The following CCDC141 variants were observed in gnomAD, a reference collection of about 807,000 sequenced individuals.
CCDC141 encodes coiled-coil domain-containing protein 141.
In CCDC141, 168 loss-of-function variants were observed where a neutral mutation model predicts 181.0. That is an observed-to-expected ratio of 0.93 (90% CI 0.82 to 1.05). The LOEUF (loss-of-function observed/expected upper bound fraction) is 1.05, where lower values mean the gene tolerates loss of function less well. CCDC141 is among the 50% of genes least tolerant of loss of function. CCDC141 has a pLI of 0.00. For synonymous variants in CCDC141, 666 were observed against 642.3 expected, an observed-to-expected ratio of 1.04 and a Z score of -0.56; for missense variants, 1,902 against 1,788.5, an observed-to-expected ratio of 1.06 and a Z score of -1.14.
chr2:179,049,098 T>A (rs1430365041), intron 1 of CCDC141, among the ~76,000 whole-genome samples: 4 of 152,148 alleles, frequency 2.6e-5, no homozygotes, highest in Admixed American at 6.5e-5. Context: ...TTACAGGGCA[T>A]TTCCATGGAG....
At chr2:178,847,607 G>A (rs568145069) in intron 21 of CCDC141, among the ~76,000 whole-genome samples, 5 of 152,246 alleles carry the variant, frequency 3.3e-5, no homozygotes, top group South Asian at 4.2e-4. Flanking sequence ...ATTTAGCAGC[G>A]CCAGAGGGTT....
intron 4 of CCDC141, 50 bp downstream of exon 4, chr2:178,975,007 A>G (rs1180635662): frequency 3.4e-6 from 3 of 892,022 alleles, no homozygotes; most frequent in Admixed American, 2.6e-5. Context: ...TCACATTAAC[A>G]TCTTTTAAAA....
rs1451594851 is a variant in CCDC141, at chr2:178,975,120, G to A, written c.463C>T (p.His155Tyr). 6.6e-7 allele frequency: 1 copy of A among 1,521,162 alleles called. No individual in the cohort carries two copies. The highest frequency in any genetic ancestry group is 1.2e-5 in the South Asian group (1 of 80,900). 94.2% of individuals were successfully genotyped at this position (1,521,162 alleles called of 1,614,324 possible). ...AAGGACTCAGCACTCTCAAACTCAT[G>A]AGTATTCTGGAGGAAATCTTCAGCT... ...DQAEDFLQNT[H>Y]EFESAESLKS... Residue 155 changes from histidine to tyrosine, a missense_variant, in exon 4 of 24, where the codon CAT (histidine) becomes TAT (tyrosine). His to Tyr is a moderately conservative substitution (Grantham distance 83). Coordinates refer to ENST00000443758, the MANE Select transcript of CCDC141 (RefSeq NM_173648.4).
At chr2:178,914,667 A>C (rs1051659517) in intron 7 of CCDC141, among the ~76,000 whole-genome samples, 1 of 152,236 alleles carries the variant, frequency 6.6e-6, no homozygotes, top group African/African-American at 2.4e-5. Context: ...TGAATTTCAC[A>C]AATTTTGTAA....
chr2:178,920,863 G>A (rs575043090), intron 6 of CCDC141, among the ~76,000 whole-genome samples: 2 of 152,262 alleles, frequency 1.3e-5, no homozygotes, highest in East Asian at 1.9e-4. Context: ...GAATACAGGA[G>A]TATAAAATGT....
intron 7 of CCDC141, among the ~76,000 whole-genome samples, chr2:178,915,160 G>A (rs1688386992): frequency 6.6e-6 from 1 of 151,590 alleles, no homozygotes; most frequent in African/African-American, 2.4e-5. Context: ...GTGACAGTGA[G>A]ACCCTGTCCC....
chr2:178,981,396 A>T (rs1030953551), intron 2 of CCDC141, among the ~76,000 whole-genome samples: 1 of 151,062 alleles, frequency 6.6e-6, no homozygotes, highest in African/African-American at 2.4e-5. Context: ...ATACGAATAT[A>T]CTCTCAGACC....
chr2:178,895,054 T>C lies in CCDC141; in HGVS notation c.1266-6386A>G, dbSNP rs564350530. On this transcript the variant is annotated intron_variant, in intron 8 of 23. Coordinates refer to ENST00000443758, the MANE Select transcript of CCDC141 (RefSeq NM_173648.4). The stretch of plus-strand genomic sequence containing the variant: ...TCTACCCCACATTAGTATTATGCCT[T>C]ATAGAGAAATTGGGTCCCACTTGTA... Among the ~76,000 whole-genome samples, 62 of 152,256 alleles carry C rather than the reference T, an allele frequency of 4.1e-4. No individual in the cohort carries two copies. In the South Asian group the frequency reaches 5.4e-3, roughly 13 times the overall value.
chr2:178,853,251 T>G (rs1001055600), intron 20 of CCDC141, among the ~76,000 whole-genome samples, 190 bp downstream of exon 20: 4 of 152,218 alleles, frequency 2.6e-5, no homozygotes, highest in African/African-American at 9.6e-5. Flanking sequence ...CTTCATCTGC[T>G]GTCAGAAATT....
intron 2 of CCDC141, among the ~76,000 whole-genome samples, chr2:179,007,370 C>T (rs900433216): frequency 2.0e-5 from 3 of 152,180 alleles, no homozygotes; most frequent in Admixed American, 6.5e-5. Context: ...CTTCTCCAAA[C>T]TGAACTTAAT....
chr2:179,011,582 C>T (rs1354383963), intron 2 of CCDC141, among the ~76,000 whole-genome samples: 1 of 152,044 alleles, frequency 6.6e-6, no homozygotes, highest in African/African-American at 2.4e-5. Flanking sequence ...AGAAAGTCAA[C>T]AAAGAAACAA....
chr2:179,009,631 C>G (rs565865815), intron 2 of CCDC141, among the ~76,000 whole-genome samples: 1 of 139,386 alleles, frequency 7.2e-6, no homozygotes, highest in East Asian at 2.1e-4. Flanking sequence ...ATAGGTCTCT[C>G]AACCTTAGAT....
intron 14 of CCDC141, among the ~76,000 whole-genome samples, chr2:178,870,081 A>T (rs1441512564): frequency 6.6e-6 from 1 of 151,824 alleles, no homozygotes; most frequent in Non-Finnish European, 1.5e-5. Flanking sequence ...AAAATACAAA[A>T]ATTAGCTGGG....
At chr2:178,824,590 G>C in the CCDC141 span, among the ~76,000 whole-genome samples, 2 of 127,886 alleles carry the variant, frequency 1.6e-5, no homozygotes, top group Non-Finnish European at 3.1e-5. Flanking sequence ...CTGCACTCCA[G>C]CCTGGGCGAC....
chr2:179,002,668 G>T, intron 2 of CCDC141: 1 of 158,294 alleles, frequency 6.3e-6, no homozygotes, highest in Non-Finnish European at 1.4e-5. Flanking sequence ...TAAACTTTTG[G>T]CCAAAAGAAT....
chr2:178,957,108 G>A (rs1690193485), intron 5 of CCDC141, among the ~76,000 whole-genome samples: 1 of 152,140 alleles, frequency 6.6e-6, no homozygotes, highest in African/African-American at 2.4e-5. Flanking sequence ...CCTGATCTCA[G>A]GCAATCCACC....
chr2:178,902,642 C>T (rs2154372622), intron 8 of CCDC141, among the ~76,000 whole-genome samples: 1 of 152,108 alleles, frequency 6.6e-6, no homozygotes, highest in Non-Finnish European at 1.5e-5. Context: ...ACACCTAAAA[C>T]CATAAAAACC....
In CCDC141 at chr2:178,993,599, C is replaced by T. The variant is rs113232662; in HGVS notation, c.226-14924G>A. ...CAAACCATATTATTCCACTTCTGGC[C>T]CCTCCCAAATCTCATGTCCTTATAT... is the stretch of plus-strand genomic sequence containing the variant. On this transcript the variant is annotated intron_variant, in intron 2 of 23. Coordinates refer to ENST00000443758, the MANE Select transcript of CCDC141 (RefSeq NM_173648.4). Among the ~76,000 whole-genome samples, 540 of 152,216 alleles carry T rather than the reference C, an allele frequency of 3.5e-3. 1 individual carries two copies. Among genetic ancestry groups the T allele is most frequent in the Non-Finnish European group, 5.6e-3 (383 of 68,020 alleles).
chr2:179,015,054 TGAGA>T lies in CCDC141; in HGVS notation c.225+32226_225+32229del, dbSNP rs1269057226. Reference sequence around the variant, plus strand: ...CATCAATCAATGAGTGGATAAACTGTGAGAGAGACAGAGATATATATATATATAT... The same window carrying T: ...CATCAATCAATGAGTGGATAAACTGTGAGACAGAGATATATATATATATAT... On this transcript the variant is annotated intron_variant, in intron 2 of 23. Transcript: ENST00000443758. Among the ~76,000 whole-genome samples the T allele has an allele frequency of 5.4e-5, 5 of 92,502 alleles. No individual in the cohort carries two copies. In the East Asian group the frequency reaches 1.5e-3, roughly 27 times the overall value. The allele number at this position is 92,502 out of a possible 152,430, so 60.7% of individuals were successfully genotyped here.
Sources: gnomAD v4.1 joint callset for allele counts (sites outside exome capture counted in the v4.1 genomes callset) on GRCh38, gnomAD v4.1.1 for gene constraint, MANE v1.5 for transcripts, NCBI Gene and HGNC (gene_info 2026-07-23, HGNC 2026-07-21) for gene names.